PCDH9: variants seen among roughly 807,000 people sequenced by gnomAD.
The protein encoded by PCDH9 is protocadherin 9, also known as protocadherin-9.
In PCDH9, 24 loss-of-function variants were observed where a neutral mutation model predicts 70.6. The observed-to-expected ratio is 0.34, with a 90% CI of 0.25 to 0.48. PCDH9 has a LOEUF of 0.48. Among genes scored for constraint, PCDH9 ranks in the 20% least tolerant of loss-of-function variants. The pLI is 0.99. For missense variants in PCDH9, 1,281 were observed against 1,503.6 expected (o/e 0.85, Z 2.45); for synonymous variants, 562 against 558.5 (o/e 1.01, Z -0.09).
chr13:66,876,039 T>C (rs2081801139), intron 3 of PCDH9, among the ~76,000 whole-genome samples: 2 of 152,184 alleles, frequency 1.3e-5, no homozygotes, highest in Admixed American at 6.5e-5. Flanking sequence ...AGACATTAAA[T>C]ATCTTCATTG....
chr13:66,423,179 C>CA (rs1957600189), intron 4 of PCDH9, among the ~76,000 whole-genome samples: 2 of 151,704 alleles, frequency 1.3e-5, no homozygotes, highest in Admixed American at 6.6e-5. Flanking sequence ...GCCTACCAAC[C>CA]AAAAAAAGCC....
chr13:66,512,282 T>TTATATATATATATATATATATATATATA (rs35496834), intron 4 of PCDH9, among the ~76,000 whole-genome samples: 62 of 144,402 alleles, frequency 4.3e-4, no homozygotes, highest in African/African-American at 1.4e-3. Context: ...ACCTTAGGAA[T>TTATATATATATATATATATATATATATA]TATATATATA....
intron 3 of PCDH9, among the ~76,000 whole-genome samples, chr13:66,810,358 A>G (rs2080482989): frequency 6.6e-6 from 1 of 152,056 alleles, no homozygotes; most frequent in African/African-American, 2.4e-5. Flanking sequence ...TGAGCCTTAC[A>G]GTTCAAAAGA....
At position 66,353,790 on chromosome 13, in the gene PCDH9, C is replaced by A. The variant is rs80297663; in HGVS notation, c.3341-48762G>T. Among the ~76,000 whole-genome samples, 761 of 152,166 alleles carry A rather than the reference C, an allele frequency of 5.0e-3. 22 individuals are homozygous for A. The East Asian group carries it at 0.074, about 15-fold the overall frequency. On this transcript the variant is annotated intron_variant, in intron 4 of 4. Transcript: ENST00000377865. Reference sequence around the variant, plus strand: ...ACTTTGAGTCTCAGATACTTATGTACACTCTTCTGGAGATAGAACTATTTG... The same window carrying A: ...ACTTTGAGTCTCAGATACTTATGTAAACTCTTCTGGAGATAGAACTATTTG...
intron 3 of PCDH9, among the ~76,000 whole-genome samples, chr13:66,827,388 A>G (rs528790219): frequency 5.9e-5 from 9 of 151,710 alleles, no homozygotes; most frequent in African/African-American, 2.2e-4. Flanking sequence ...AAAAAAGAGA[A>G]AGCTTAGAGA....
At chr13:66,786,330 A>T (rs1157562313) in intron 3 of PCDH9, among the ~76,000 whole-genome samples, 2 of 152,204 alleles carry the variant, frequency 1.3e-5, no homozygotes, top group African/African-American at 4.8e-5. Context: ...CCAATCAAGA[A>T]TTAGGCCCAT....
intron 2 of PCDH9, among the ~76,000 whole-genome samples, chr13:66,945,534 C>T (rs1320048046): frequency 2.0e-5 from 3 of 152,078 alleles, no homozygotes; most frequent in African/African-American, 7.2e-5. Flanking sequence ...ATTTTATCTA[C>T]GTGTATCCAT....
intron 3 of PCDH9, among the ~76,000 whole-genome samples, chr13:66,896,089 C>T (rs924012785): frequency 6.6e-6 from 1 of 152,142 alleles, no homozygotes; most frequent in African/African-American, 2.4e-5. Context: ...GCGGCTCTTC[C>T]TGTGAACAAA....
intron 4 of PCDH9, among the ~76,000 whole-genome samples, chr13:66,565,890 G>T (rs1016153064): frequency 6.6e-6 from 1 of 152,178 alleles, no homozygotes; most frequent in Non-Finnish European, 1.5e-5. Context: ...GCTTGGGAGA[G>T]AAGCTAAGAT....
At chr13:66,732,412 TG>T (rs1352061234) in intron 3 of PCDH9, among the ~76,000 whole-genome samples, 5 of 152,002 alleles carry the variant, frequency 3.3e-5, no homozygotes, top group Non-Finnish European at 5.9e-5. Context: ...ACATATATAT[TG>T]ACCTGACTCA....
At chr13:66,530,504 A>G (rs138106918) in intron 4 of PCDH9, among the ~76,000 whole-genome samples, 39 of 151,878 alleles carry the variant, frequency 2.6e-4, no homozygotes, top group Non-Finnish European at 4.1e-4. Context: ...TTTTATTCTT[A>G]ACAGAACTAT....
intron 4 of PCDH9, among the ~76,000 whole-genome samples, chr13:66,305,949 T>TA (rs1325227061): frequency 1.3e-5 from 2 of 152,046 alleles, no homozygotes; most frequent in African/African-American, 4.8e-5. Flanking sequence ...AGCCCTTTAC[T>TA]AAAAAAACAA....
intron 3 of PCDH9, among the ~76,000 whole-genome samples, chr13:66,643,362 G>A (rs1470179924): frequency 3.3e-5 from 5 of 151,996 alleles, no homozygotes; most frequent in Non-Finnish European, 5.9e-5. Flanking sequence ...GGGTAGAGGA[G>A]TCTTTGTTCT....
chr13:66,436,212 A>G (rs1164818666), intron 4 of PCDH9, among the ~76,000 whole-genome samples: 1 of 152,048 alleles, frequency 6.6e-6, no homozygotes, highest in Non-Finnish European at 1.5e-5. Context: ...GGGAGGTGAT[A>G]AAGTCATAAG....
chr13:66,574,153 A>T (rs1007488332), intron 4 of PCDH9, among the ~76,000 whole-genome samples: 58 of 152,320 alleles, frequency 3.8e-4, no homozygotes, highest in African/African-American at 1.3e-3. Flanking sequence ...TCAACAACAC[A>T]TTCTTAGTTG....
intron 3 of PCDH9, among the ~76,000 whole-genome samples, chr13:66,840,170 TA>T (rs944206517): frequency 6.6e-6 from 1 of 151,942 alleles, no homozygotes; most frequent in Non-Finnish European, 1.5e-5. Context: ...TAAACAATAT[TA>T]AAAAAAATCT....
rs928397421 is a variant in PCDH9, at chr13:67,158,692, T to C, written c.3036+66713A>G. 6.6e-5 allele frequency among the ~76,000 whole-genome samples: 10 copies of C among 152,320 alleles called. No individual in the cohort carries two copies. In the East Asian group the frequency reaches 1.7e-3, roughly 26 times the overall value. ...AGAACTGTGAGAAATAAATTTGCTG[T>C]TGAAGCCACCCACTCTATGATGTTC... On this transcript the variant is annotated intron_variant, in intron 2 of 4. Coordinates refer to ENST00000377865, the MANE Select transcript of PCDH9 (RefSeq NM_203487.3).
intron 2 of PCDH9, among the ~76,000 whole-genome samples, chr13:67,125,859 GTGTA>G (rs2086968892): frequency 6.6e-6 from 1 of 151,874 alleles, no homozygotes; most frequent in African/African-American, 2.4e-5. Flanking sequence ...GTGTGTGTGT[GTGTA>G]TGTATGTATG....
intron 2 of PCDH9, among the ~76,000 whole-genome samples, chr13:66,954,736 C>A (rs1366911953): frequency 6.6e-6 from 1 of 152,090 alleles, no homozygotes; most frequent in Non-Finnish European, 1.5e-5. Flanking sequence ...TTGTCCTAAA[C>A]TTGCTCTTCC....
Sources: gnomAD v4.1 joint callset for allele counts (sites outside exome capture counted in the v4.1 genomes callset) on GRCh38, gnomAD v4.1.1 for gene constraint, MANE v1.5 for transcripts, NCBI Gene and HGNC (gene_info 2026-07-23, HGNC 2026-07-21) for gene names.